Variants in TPX2 observed in about 807,000 individuals in gnomAD.
The protein encoded by TPX2 is TPX2 microtubule nucleation factor, also known as targeting protein for Xklp2.
Under a neutral mutation model 93.6 loss-of-function variants are expected in TPX2, and 21 were observed. The ratio of observed to expected loss-of-function variants is 0.22; its 90% confidence interval spans 0.16 to 0.32. The LOEUF (loss-of-function observed/expected upper bound fraction) is 0.32. Ranked by LOEUF, TPX2 falls within the 10% of genes least tolerant of loss-of-function variation. TPX2 has a pLI of 1.00. For synonymous variants in TPX2, 281 were observed against 298.3 expected, an observed-to-expected ratio of 0.94 and a Z score of 0.60; for missense variants, 776 against 871.1, an observed-to-expected ratio of 0.89 and a Z score of 1.37.
Position 31,798,393 on chromosome 20 carries a change from A to G in TPX2, c.1974A>G (p.Glu658=). 1 of 1,613,422 alleles carries G rather than the reference A, an allele frequency of 6.2e-7. No homozygotes were observed. Among genetic ancestry groups the G allele is most frequent in the South Asian group, 1.1e-5 (1 of 91,026 alleles). ...GCCTTTCTGGTTCTCTAGTTCAGGA[A>G]CCTTTTCAGCTGGCTACTGAGAAGA... ...AEGLSGSLVQ[E]PFQLATEKRA... The change falls in exon 17 of 18, where the codon GAA becomes GAG. Residue 658 remains glutamate (E), a synonymous_variant. Coordinates refer to ENST00000300403, the MANE Select transcript of TPX2 (RefSeq NM_012112.5).
At chr20:31,743,538 T>C (rs1343319993) in intron 2 of TPX2, among the ~76,000 whole-genome samples, 2 of 151,586 alleles carry the variant, frequency 1.3e-5, no homozygotes, top group African/African-American at 4.8e-5. Flanking sequence ...AAATAAAACA[T>C]AAAAAAATTT....
At position 31,794,524 on chromosome 20, in the gene TPX2, G is replaced by A. The variant is rs1302631419; in HGVS notation, c.1809G>A (p.Leu603=). The change falls in exon 15 of 18, where the codon CTG becomes CTA. Residue 603 remains leucine, a synonymous_variant. Transcript: ENST00000300403. ...FCLETDRRGA[L]KAQTWKHQLE... ...TGGAGACTGACAGAAGAGGTGCTCT[G>A]AAGGCACAGACTTGGAAGCACCAGG... 6.2e-7 allele frequency: 1 copy of A among 1,614,002 alleles called. No homozygotes were observed. Among genetic ancestry groups the A allele is most frequent in the East Asian group, 2.2e-5 (1 of 44,862 alleles).
At position 31,783,702 on chromosome 20, in the gene TPX2, C is replaced by A; in HGVS notation, c.1197-3C>A. On this transcript the variant is annotated splice_region_variant and splice_polypyrimidine_tract_variant and intron_variant, in intron 11 of 17. Coordinates refer to ENST00000300403, the MANE Select transcript of TPX2 (RefSeq NM_012112.5). ...TGTGGTTATTTAAATTTTCACCTTA[C>A]AGATACAAATTCAAAGCACGTGAAC... 6.3e-7 allele frequency: 1 copy of A among 1,587,218 alleles called. No homozygotes were observed. Among genetic ancestry groups the A allele is most frequent in the African/African-American group, 1.4e-5 (1 of 72,944 alleles).
chr20:31,766,816 T>G (rs2061930276), intron 5 of TPX2, 134 bp downstream of exon 5: 1 of 744,344 alleles, frequency 1.3e-6, no homozygotes, highest in Non-Finnish European at 1.8e-6. Context: ...TTTTTTTTTT[T>G]GAGACGGAGT....
intron 2 of TPX2, among the ~76,000 whole-genome samples, chr20:31,747,248 G>A (rs895282224): frequency 6.6e-6 from 1 of 152,072 alleles, no homozygotes; most frequent in African/African-American, 2.4e-5. Flanking sequence ...AGCCTCCCGA[G>A]TAGCTGGGAT....
intron 15 of TPX2, 90 bp downstream of exon 15, chr20:31,794,638 C>A (rs2062124035): frequency 1.3e-6 from 2 of 1,490,020 alleles, no homozygotes; most frequent in Admixed American, 2.0e-5. Flanking sequence ...CCTGGGTTAA[C>A]ATGCTACATT....
intron 3 of TPX2, 123 bp from the exon 4 acceptor site, chr20:31,759,934 T>C (rs1600364283): frequency 1.5e-6 from 2 of 1,334,068 alleles, no homozygotes; most frequent in East Asian, 4.9e-5. Context: ...AGAACTTTGC[T>C]TGTACTTGCC....
chr20:31,788,268 A>C (rs1467825026), intron 12 of TPX2, among the ~76,000 whole-genome samples: 1 of 151,952 alleles, frequency 6.6e-6, no homozygotes, highest in African/African-American at 2.4e-5. Context: ...TACAAAAAAA[A>C]TTAGCCGGGC....
rs148565247 is a variant in TPX2, at chr20:31,801,623, C to T, written c.*543C>T. 32 of 152,508 alleles carry T rather than the reference C, an allele frequency of 2.1e-4. No homozygotes were observed. Among genetic ancestry groups the T allele is most frequent in the African/African-American group, 7.7e-4 (32 of 41,566 alleles). The allele number at this position is 152,508 out of a possible 1,614,324, so 9.4% of individuals were successfully genotyped here. A position where few individuals can be genotyped will look rare whatever the true frequency, so the allele number is the denominator to read the frequency against. ...AGGGTAGAAAACCTCACCAACTGCACCAGTGAGGAAGAAGACTGCGTGGAT... is the reference window on the plus strand; with the variant it reads ...AGGGTAGAAAACCTCACCAACTGCATCAGTGAGGAAGAAGACTGCGTGGAT... On this transcript the variant is annotated 3_prime_UTR_variant, in exon 18 of 18. Transcript: ENST00000300403.
chr20:31,759,659 A>G (rs2061876039), intron 3 of TPX2, among the ~76,000 whole-genome samples: 1 of 151,902 alleles, frequency 6.6e-6, no homozygotes, highest in Admixed American at 6.6e-5. Flanking sequence ...CGGCCTCCCA[A>G]AGTGCTGGGA....
intron 1 of TPX2, among the ~76,000 whole-genome samples, chr20:31,741,340 C>G (rs1213717935): frequency 6.8e-6 from 1 of 147,278 alleles, no homozygotes; most frequent in African/African-American, 2.5e-5. Flanking sequence ...GAGACGGAGT[C>G]TCACTCTGTC....
chr20:31,776,914 C>T (rs1381386585), intron 8 of TPX2, among the ~76,000 whole-genome samples: 2 of 152,130 alleles, frequency 1.3e-5, no homozygotes, highest in Non-Finnish European at 2.9e-5. Flanking sequence ...TTGGGCAGAC[C>T]AGTTTGTTGT....
chr20:31,773,115 T>TA (rs1784309060), intron 7 of TPX2, among the ~76,000 whole-genome samples: 1 of 151,040 alleles, frequency 6.6e-6, no homozygotes, highest in South Asian at 2.1e-4. Context: ...TAGCTGGGAT[T>TA]ATAGGCATGC....
intron 4 of TPX2, among the ~76,000 whole-genome samples, chr20:31,763,725 T>A (rs374550681): frequency 1.2e-3 from 74 of 64,328 alleles, no homozygotes; most frequent in African/African-American, 5.7e-3. Flanking sequence ...AATTTAATTT[T>A]TTTTTTTTTT....
chr20:31,782,204 T>A lies in TPX2; in HGVS notation c.1055-45T>A, dbSNP rs546209884. 1.1e-5 allele frequency: 17 copies of A among 1,568,854 alleles called. No homozygotes were observed. The African/African-American group carries it at 2.0e-4, about 19-fold the overall frequency. On this transcript the variant is annotated intron_variant, in intron 10 of 17. Coordinates refer to ENST00000300403, the MANE Select transcript of TPX2 (RefSeq NM_012112.5). ...GGTGAATCACCACTTACAAGTAAAC[T>A]GGGTCTTGCGGATCTAGATGAACAT...
Position 31,801,141 on chromosome 20 carries a change from G to A in TPX2, c.*61G>A. 2 of 1,465,596 alleles carry A rather than the reference G, an allele frequency of 1.4e-6. No individual in the cohort carries two copies. Among genetic ancestry groups the A allele is most frequent in the South Asian group, 1.1e-5 (1 of 87,818 alleles). 90.8% of individuals were successfully genotyped at this position (1,465,596 alleles called of 1,614,324 possible). A position where few individuals can be genotyped will look rare whatever the true frequency, so the allele number is the denominator to read the frequency against. On this transcript the variant is annotated 3_prime_UTR_variant, in exon 18 of 18. Coordinates refer to ENST00000300403, the MANE Select transcript of TPX2 (RefSeq NM_012112.5). Reference sequence around the variant, plus strand: ...GGACCTGCTCTTAACCTCAAACCTAGGACCGTCTTGCTTTGTCATTGGGCA... The same window carrying A: ...GGACCTGCTCTTAACCTCAAACCTAAGACCGTCTTGCTTTGTCATTGGGCA...
intron 15 of TPX2, 22 bp downstream of exon 15, chr20:31,794,570 C>A (rs780177805): frequency 6.2e-7 from 1 of 1,610,392 alleles, no homozygotes; most frequent in East Asian, 2.2e-5. Context: ...GGAGAGCAGC[C>A]AAAATGTTAA....
intron 15 of TPX2, among the ~76,000 whole-genome samples, chr20:31,797,194 CT>C (rs1382037452): frequency 6.6e-6 from 1 of 151,976 alleles, no homozygotes. Flanking sequence ...TTAAAAGTAT[CT>C]TAAAAATGCT....
rs945148751 is a variant in TPX2, at chr20:31,777,580, A to G, written c.824A>G (p.Gln275Arg). The G allele has an allele frequency of 1.2e-6, 2 of 1,614,224 alleles. No individual in the cohort carries two copies. The highest frequency in any genetic ancestry group is 8.5e-7 in the Non-Finnish European group (1 of 1,180,040). Residue 275 changes from glutamine to arginine, a missense_variant, in exon 9 of 18, where the codon CAG becomes CGG. By Grantham distance (43) the Gln-to-Arg change is conservative. Transcript: ENST00000300403. ...DERIKQHPKN[Q>R]EEYKEVNFTS... ...CGAATCAAACAACATCCTAAGAACC[A>G]GGAGGAATATAAGGAAGTGAACTTT...
Sources: allele counts gnomAD v4.1 joint callset (sites outside exome capture counted in the v4.1 genomes callset), GRCh38; gene constraint gnomAD v4.1.1; transcripts MANE v1.5; gene names NCBI Gene and HGNC (gene_info 2026-07-23, HGNC 2026-07-21).